The following CFAP54 variants were observed in gnomAD, a reference collection of about 807,000 sequenced individuals.
The protein encoded by CFAP54 is cilia and flagella associated protein 54, also known as cilia- and flagella-associated protein 54.
A neutral mutation model predicts 370.4 loss-of-function variants in CFAP54; 290 were observed. The observed-to-expected ratio is 0.78, with a 90% CI of 0.71 to 0.86. CFAP54 has a LOEUF of 0.86. Among genes scored for constraint, CFAP54 ranks in the 40% least tolerant of loss-of-function variants. The pLI, the probability that CFAP54 is intolerant of heterozygous loss-of-function variation, is 0.00. For missense variants in CFAP54, 3,399 were observed against 3,528.7 expected, an observed-to-expected ratio of 0.96 and a Z score of 0.93; for synonymous variants, 1,206 against 1,236.5, an observed-to-expected ratio of 0.98 and a Z score of 0.52.
In CFAP54 at chr12:96,528,065, A is replaced by G. The variant is rs573665106; in HGVS notation, c.1357+621A>G. Among the ~76,000 whole-genome samples, 13 of 152,280 alleles carry G rather than the reference A, an allele frequency of 8.5e-5. No homozygotes were observed. In the East Asian group the frequency reaches 9.6e-4, roughly 11 times the overall value. On this transcript the variant is annotated intron_variant, in intron 9 of 67. Transcript: ENST00000524981. ...ATGGTTGCACTGGCTAGGATCTCCAATAACACATGGGAAGAAGTGGTGATA... is the reference window on the plus strand; with the variant it reads ...ATGGTTGCACTGGCTAGGATCTCCAGTAACACATGGGAAGAAGTGGTGATA...
intron 28 of CFAP54, 46 bp downstream of exon 28, chr12:96,623,927 TA>T: frequency 1.6e-6 from 2 of 1,230,064 alleles, no homozygotes. Context: ...TTAAGTTTTT[TA>T]AAACGAGAAA....
At chr12:96,594,189 T>C (rs1956152532) in intron 24 of CFAP54, 102 bp from the exon 25 acceptor site, 1 of 798,662 alleles carries the variant, frequency 1.3e-6, no homozygotes, top group South Asian at 3.4e-5. Context: ...ACACTCATGT[T>C]GTTTTTAGCC....
At position 96,621,875 on chromosome 12, in the gene CFAP54, G is replaced by GTTTTTTTTTTTTTTTTTT. The variant is rs71068819; in HGVS notation, c.3771+169_3771+186dup. On this transcript the variant is annotated intron_variant, in intron 27 of 67. Transcript: ENST00000524981. Reference sequence around the variant, plus strand: ...ATTATAGTAAAGAGCTTTTGGGTTTGTTTTTTTTTTTTTTTTTTTTTTTTT... The same window carrying GTTTTTTTTTTTTTTTTTT: ...ATTATAGTAAAGAGCTTTTGGGTTTGTTTTTTTTTTTTTTTTTTTTTTTTTTTTTTTTTTTTTTTTTTT... Among the ~76,000 whole-genome samples the GTTTTTTTTTTTTTTTTTT allele has an allele frequency of 6.8e-4, 34 of 50,032 alleles. 5 individuals are homozygous for GTTTTTTTTTTTTTTTTTT. Among genetic ancestry groups the GTTTTTTTTTTTTTTTTTT allele is most frequent in the East Asian group, 5.9e-3 (7 of 1,186 alleles). 32.8% of individuals were successfully genotyped at this position (50,032 alleles called of 152,430 possible).
At position 96,504,953 on chromosome 12, in the gene CFAP54, TTC is replaced by T. The variant is rs200065860; in HGVS notation, c.567+926_567+927del. On this transcript the variant is annotated intron_variant, in intron 3 of 67. Transcript: ENST00000524981. The stretch of plus-strand genomic sequence containing the variant: ...TTTCTTTCTTCCTCTTTCTTTCTTT[TTC>T]TTTCTTTCTTTCTTTCTTTCCCTTT... Among the ~76,000 whole-genome samples, 1,473 of 148,902 alleles carry T rather than the reference TTC, an allele frequency of 9.9e-3. 17 individuals are homozygous for T. The highest frequency in any genetic ancestry group is 0.014 in the Non-Finnish European group (957 of 67,302).
chr12:96,625,954 G>A, intron 29 of CFAP54, 147 bp downstream of exon 29: 1 of 593,740 alleles, frequency 1.7e-6, no homozygotes, highest in Non-Finnish European at 2.8e-6. Context: ...GAATAATGCA[G>A]AATCCTGATT....
At chr12:96,719,732 C>T (rs1957726701) in intron 49 of CFAP54, among the ~76,000 whole-genome samples, 1 of 152,180 alleles carries the variant, frequency 6.6e-6, no homozygotes, top group Non-Finnish European at 1.5e-5. Context: ...TGTTGCCACT[C>T]TCATACTGTA....
rs1956155920 is a variant in CFAP54, at chr12:96,594,438, G to A, written c.3508G>A (p.Val1170Ile). The A allele has an allele frequency of 6.5e-7, 1 of 1,528,534 alleles. No homozygotes were observed. Among genetic ancestry groups the A allele is most frequent in the African/African-American group, 1.4e-5 (1 of 72,942 alleles). 94.7% of individuals were successfully genotyped at this position (1,528,534 alleles called of 1,614,324 possible). The change falls in exon 25 of 68, where the codon GTT becomes ATT. Residue 1170 changes from valine to isoleucine, a missense_variant. Coordinates refer to ENST00000524981, the MANE Select transcript of CFAP54 (RefSeq NM_001306084.2). ...IIYHNIVLVP[V>I]VQILIKCIVV... ...TTATCACAATATTGTTTTGGTACCT[G>A]TTGTACAGGTAAGGGTATTCCTCTC... is the stretch of plus-strand genomic sequence containing the variant.
chr12:96,495,291 T>TC, intron 1 of CFAP54, among the ~76,000 whole-genome samples: 2 of 145,236 alleles, frequency 1.4e-5, no homozygotes, highest in Non-Finnish European at 3.0e-5. Context: ...CTTCCTTCCT[T>TC]CTTTCCTTCC....
intron 48 of CFAP54, 67 bp downstream of exon 48, chr12:96,708,870 A>G (rs1190956644): frequency 2.4e-6 from 3 of 1,229,182 alleles, no homozygotes; most frequent in Non-Finnish European, 3.4e-6. Context: ...CCCAGCCCCC[A>G]CTAATCTATA....
At chr12:96,614,897 G>A (rs1031933145) in intron 26 of CFAP54, among the ~76,000 whole-genome samples, 2 of 152,174 alleles carry the variant, frequency 1.3e-5, no homozygotes, top group African/African-American at 4.8e-5. Context: ...CATGCTCATG[G>A]ATAGGAAGAA....
intron 51 of CFAP54, among the ~76,000 whole-genome samples, chr12:96,741,452 C>T (rs749262725): frequency 6.6e-5 from 10 of 152,108 alleles, no homozygotes; most frequent in East Asian, 1.9e-4. Context: ...TGTGAGCCAC[C>T]GCGCCGCGCA....
At chr12:96,622,381 C>T (rs1956508205) in intron 27 of CFAP54, among the ~76,000 whole-genome samples, 3 of 130,954 alleles carry the variant, frequency 2.3e-5, no homozygotes, top group Admixed American at 1.7e-4. Flanking sequence ...GACACAGTCT[C>T]ACTCTATAGT....
At chr12:96,607,322 A>G (rs1956311963) in intron 26 of CFAP54, among the ~76,000 whole-genome samples, 1 of 152,132 alleles carries the variant, frequency 6.6e-6, no homozygotes. Context: ...GAAAAAGACT[A>G]GAGAAGACTT....
chr12:96,679,943 C>T (rs1040794742), intron 40 of CFAP54, among the ~76,000 whole-genome samples, 191 bp downstream of exon 40: 6 of 152,290 alleles, frequency 3.9e-5, no homozygotes, highest in African/African-American at 7.2e-5. Flanking sequence ...CTCACTCACT[C>T]GCTTTTATGC....
intron 60 of CFAP54, among the ~76,000 whole-genome samples, chr12:96,781,922 G>C (rs890447162): frequency 6.6e-6 from 1 of 151,950 alleles, no homozygotes; most frequent in African/African-American, 2.4e-5. Context: ...CTTGTCTCTG[G>C]GAGAGGGAAT....
At chr12:96,692,356 C>A (rs1245136478) in intron 44 of CFAP54, among the ~76,000 whole-genome samples, 1 of 152,050 alleles carries the variant, frequency 6.6e-6, no homozygotes, top group East Asian at 1.9e-4. Flanking sequence ...GCTGCCTAGT[C>A]ATATTCGTAT....
At chr12:96,862,429 G>C (rs764066718) in intron 67 of CFAP54, among the ~76,000 whole-genome samples, 4 of 152,136 alleles carry the variant, frequency 2.6e-5, no homozygotes, top group African/African-American at 7.2e-5. Flanking sequence ...CTTCAGGATT[G>C]AATCAGTAGA....
intron 63 of CFAP54, among the ~76,000 whole-genome samples, chr12:96,802,384 C>A (rs1339251004): frequency 2.0e-5 from 3 of 152,118 alleles, no homozygotes; most frequent in African/African-American, 7.2e-5. Flanking sequence ...GCCCACCCAG[C>A]TAAGGGAGGA....
At chr12:96,541,505 C>T (rs11108572) in intron 14 of CFAP54, among the ~76,000 whole-genome samples, 15,164 of 152,078 alleles carry the variant, frequency 0.1, 1,239 homozygotes, top group East Asian at 0.45. Flanking sequence ...ACACTGCTTT[C>T]GAACTTCTGA....
Sources: gnomAD v4.1 joint callset for allele counts (sites outside exome capture counted in the v4.1 genomes callset) on GRCh38, gnomAD v4.1.1 for gene constraint, MANE v1.5 for transcripts, NCBI Gene and HGNC (gene_info 2026-07-23, HGNC 2026-07-21) for gene names.